Variants in UROS observed in about 807,000 individuals in gnomAD.
UROS encodes the protein uroporphyrinogen-III synthase.
Under a neutral mutation model 33.0 loss-of-function variants are expected in UROS, and 18 were observed. The ratio of observed to expected loss-of-function variants is 0.55; its 90% CI spans 0.38 to 0.81. The LOEUF is 0.81. UROS is among the 30% of genes least tolerant of loss of function. UROS has a pLI of 0.00. For synonymous variants in UROS, 114 were observed against 121.1 expected (o/e 0.94, Z 0.38); for missense variants, 293 against 314.9 (o/e 0.93, Z 0.53).
At chr10:125,807,630 A>G in intron 5 of UROS, 143 bp from the exon 6 acceptor site, 1 of 718,724 alleles carries the variant, frequency 1.4e-6, no homozygotes, top group Non-Finnish European at 2.5e-6. Context: ...TACTGAGGGA[A>G]GATCACAAGT....
chr10:125,789,401 T>C, intron 9 of UROS: 7 of 1,132,648 alleles, frequency 6.2e-6, no homozygotes, highest in Non-Finnish European at 7.7e-6. Flanking sequence ...GGGCAGTGAC[T>C]GAATCCCCAA....
chr10:125,795,520 A>G (rs1480580411), intron 8 of UROS, among the ~76,000 whole-genome samples: 1 of 152,182 alleles, frequency 6.6e-6, no homozygotes, highest in East Asian at 1.9e-4. Context: ...AACTCAAGCA[A>G]GAGCTATCCA....
chr10:125,805,781 C>T (rs1564790822), intron 6 of UROS, among the ~76,000 whole-genome samples: 1 of 152,154 alleles, frequency 6.6e-6, no homozygotes, highest in South Asian at 2.1e-4. Context: ...ATACAGGCCA[C>T]GTGTCTATGT....
At chr10:125,799,182 G>C (rs1399166449) in intron 6 of UROS, among the ~76,000 whole-genome samples, 2 of 152,124 alleles carry the variant, frequency 1.3e-5, no homozygotes, top group Non-Finnish European at 2.9e-5. Context: ...GTGTATAAAG[G>C]CTACATACTG....
intron 6 of UROS, among the ~76,000 whole-genome samples, chr10:125,804,226 T>A (rs1852112508): frequency 6.6e-6 from 1 of 152,054 alleles, no homozygotes; most frequent in African/African-American, 2.4e-5. Context: ...TCACCAGGGG[T>A]CAATGATTTA....
At chr10:125,819,977 GA>G (rs561029025) in intron 1 of UROS, among the ~76,000 whole-genome samples, 24 of 145,204 alleles carry the variant, frequency 1.7e-4, no homozygotes, top group South Asian at 1.1e-3. Context: ...AAAAAGAAAA[GA>G]AAAAAAAAAT....
At chr10:125,806,057 C>T (rs190818251) in intron 6 of UROS, among the ~76,000 whole-genome samples, 253 of 152,166 alleles carry the variant, frequency 1.7e-3, no homozygotes, top group Non-Finnish European at 2.6e-3. Context: ...TAGAAAAAGA[C>T]GCAGGACTTT....
chr10:125,811,107 T>C (rs1229247538), intron 5 of UROS, among the ~76,000 whole-genome samples: 1 of 152,198 alleles, frequency 6.6e-6, no homozygotes, highest in East Asian at 1.9e-4. Flanking sequence ...CATAGTCTTT[T>C]TTCTCATTTT....
At chr10:125,795,010 G>C (rs1422372595) in intron 8 of UROS, 32 bp from the exon 9 acceptor site, 1 of 1,564,994 alleles carries the variant, frequency 6.4e-7, no homozygotes, top group Non-Finnish European at 8.8e-7. Context: ...ATCAGTCCTT[G>C]CCATGAGACT....
intron 7 of UROS, chr10:125,796,826 C>G (rs2133837195): frequency 1.0e-6 from 1 of 985,294 alleles, no homozygotes; most frequent in Non-Finnish European, 1.2e-6. Flanking sequence ...GAGGGGCAGC[C>G]AGATGGTAGG....
intron 1 of UROS, among the ~76,000 whole-genome samples, chr10:125,820,740 T>C (rs192901449): frequency 3.3e-5 from 5 of 152,304 alleles, no homozygotes; most frequent in Admixed American, 6.5e-5. Context: ...TTGTCCCAGG[T>C]CACACAGCAC....
At chr10:125,806,555 AG>A (rs1386593662) in intron 6 of UROS, among the ~76,000 whole-genome samples, 1 of 152,204 alleles carries the variant, frequency 6.6e-6, no homozygotes, top group Non-Finnish European at 1.5e-5. Flanking sequence ...TCTGTTGCAG[AG>A]ATTAGTAGTT....
intron 9 of UROS, chr10:125,793,307 T>C (rs1851084977): frequency 7.7e-6 from 1 of 129,902 alleles, no homozygotes; most frequent in Non-Finnish European, 1.6e-5. Flanking sequence ...GTTAGGCTTA[T>C]ACCACCAGGC....
intron 4 of UROS, among the ~76,000 whole-genome samples, chr10:125,813,794 A>G (rs1374412780): frequency 6.6e-6 from 1 of 152,206 alleles, no homozygotes. Flanking sequence ...TGAGTTTCTT[A>G]GGTTCTCACG....
intron 9 of UROS, among the ~76,000 whole-genome samples, chr10:125,791,369 C>A (rs1182292406): frequency 6.6e-6 from 1 of 152,058 alleles, no homozygotes; most frequent in Non-Finnish European, 1.5e-5. Context: ...GAAACTGGAA[C>A]CCTTACACAT....
downstream of UROS, among the ~76,000 whole-genome samples, chr10:125,786,320 C>G (rs1252008380): frequency 6.6e-6 from 1 of 151,130 alleles, no homozygotes; most frequent in African/African-American, 2.4e-5. Context: ...TCTTGTTGCC[C>G]AGGCTGGAGT....
chr10:125,813,867 T>C (rs1410685187), intron 4 of UROS, among the ~76,000 whole-genome samples: 1 of 152,254 alleles, frequency 6.6e-6, no homozygotes, highest in Non-Finnish European at 1.5e-5. Context: ...ATGTTTAGGC[T>C]ACAGCGAAGC....
chr10:125,817,221 T>C (rs982054345), intron 1 of UROS, among the ~76,000 whole-genome samples: 4 of 129,950 alleles, frequency 3.1e-5, no homozygotes, highest in African/African-American at 5.9e-5. Flanking sequence ...TGTTTATAGA[T>C]GTATTTTTTT....
At chr10:125,821,132 C>CT (rs1853839964) in intron 1 of UROS, among the ~76,000 whole-genome samples, 1 of 152,162 alleles carries the variant, frequency 6.6e-6, no homozygotes, top group South Asian at 2.1e-4. Flanking sequence ...AATTCCCCTG[C>CT]TACATATATA....
Sources: gnomAD v4.1 joint callset for allele counts (sites outside exome capture counted in the v4.1 genomes callset) on GRCh38, gnomAD v4.1.1 for gene constraint, MANE v1.5 for transcripts, NCBI Gene and HGNC (gene_info 2026-07-23, HGNC 2026-07-21) for gene names.